UGGT2: variants seen among roughly 807,000 people sequenced by gnomAD.
The protein encoded by UGGT2 is UDP-glucose:glycoprotein glucosyltransferase 2.
UGGT2 carries 180 observed loss-of-function variants against 192.1 expected under a neutral mutation model. That is an observed-to-expected ratio of 0.94 (90% confidence interval 0.83 to 1.06). The LOEUF (loss-of-function observed/expected upper bound fraction) is 1.06, where lower values mean the gene tolerates loss of function less well. Among genes scored for constraint, UGGT2 ranks in the 50% least tolerant of loss-of-function variants. The pLI is 0.00. For synonymous variants in UGGT2, 580 were observed against 591.0 expected (o/e 0.98, Z 0.27); for missense variants, 1,849 against 1,795.7 (o/e 1.03, Z -0.54).
chr13:95,817,467 C>G (rs1208113306), intron 38 of UGGT2, among the ~76,000 whole-genome samples: 1 of 151,980 alleles, frequency 6.6e-6, no homozygotes, highest in African/African-American at 2.4e-5. Context: ...GCCTGTGGTC[C>G]CAGATACTTG....
chr13:95,868,209 G>A lies in UGGT2; in HGVS notation c.3474-786C>T, dbSNP rs564187830. Among the ~76,000 whole-genome samples, 4 of 152,284 alleles carry A rather than the reference G, an allele frequency of 2.6e-5. No homozygotes were observed. In the East Asian group the frequency reaches 7.7e-4, roughly 29 times the overall value. On this transcript the variant is annotated intron_variant, in intron 29 of 38. Transcript: ENST00000376747. Reference sequence around the variant, plus strand: ...TGGGGAGTCTAGCACTATCATGACTGACACGTCTTTGACTTTCTCTTACTC... The same window carrying A: ...TGGGGAGTCTAGCACTATCATGACTAACACGTCTTTGACTTTCTCTTACTC...
chr13:95,974,967 A>C (rs2050890983), intron 10 of UGGT2, among the ~76,000 whole-genome samples: 1 of 152,034 alleles, frequency 6.6e-6, no homozygotes, highest in South Asian at 2.1e-4. Context: ...CTGTAGTCCC[A>C]GTACTCGGGA....
intron 29 of UGGT2, among the ~76,000 whole-genome samples, chr13:95,868,582 C>T (rs7994626): frequency 0.3 from 45,714 of 151,822 alleles, 7,425 homozygotes; most frequent in Admixed American, 0.37. Context: ...TCCGTCTGGG[C>T]AAGAGAGACC....
Position 95,807,716 on chromosome 13 carries a change from CTTTTT to C in UGGT2, c.4529-5909_4529-5905del. Among the ~76,000 whole-genome samples the C allele has an allele frequency of 1.0e-4, 8 of 78,710 alleles. 1 individual carries two copies. Among genetic ancestry groups the C allele is most frequent in the African/African-American group, 2.1e-4 (4 of 19,376 alleles). 51.6% of individuals were successfully genotyped at this position (78,710 alleles called of 152,430 possible). ...GTATCTTGAAACCCTCAGCCCTCAC[CTTTTT>C]TTTTTTTTTTTTTTGCCGTATTCAC... On this transcript the variant is annotated intron_variant, in intron 38 of 38. Transcript: ENST00000376747.
At chr13:95,872,850 T>C (rs1467827625) in intron 29 of UGGT2, among the ~76,000 whole-genome samples, 2 of 152,210 alleles carry the variant, frequency 1.3e-5, no homozygotes, top group African/African-American at 4.8e-5. Context: ...ACATAATACA[T>C]GTGCTATTGT....
intron 12 of UGGT2, among the ~76,000 whole-genome samples, chr13:95,959,118 C>G (rs2050307163): frequency 6.6e-6 from 1 of 152,218 alleles, no homozygotes; most frequent in Non-Finnish European, 1.5e-5. Context: ...ATCTCCATAT[C>G]TCTGGGGTCC....
In UGGT2 at chr13:95,966,451, T is replaced by C. The variant is rs147832689; in HGVS notation, c.1335+3661A>G. 5.2e-3 allele frequency among the ~76,000 whole-genome samples: 799 copies of C among 152,298 alleles called. 11 individuals carry two copies. The highest frequency in any genetic ancestry group is 0.018 in the African/African-American group (765 of 41,558). ...GTCAATAGGTACAAACAGTTATCTA[T>C]ACAGTTAGATAGAAGGTATAAATTC... On this transcript the variant is annotated intron_variant, in intron 12 of 38. Transcript: ENST00000376747.
chr13:96,044,891 T>C (rs1053408252), intron 1 of UGGT2, among the ~76,000 whole-genome samples: 3 of 152,058 alleles, frequency 2.0e-5, no homozygotes, highest in African/African-American at 7.2e-5. Flanking sequence ...GGACCAGACA[T>C]ATTCACAGCC....
At chr13:96,053,031 C>G (rs1238750982) in intron 1 of UGGT2, 124 bp downstream of exon 1, 1 of 1,307,836 alleles carries the variant, frequency 7.6e-7, no homozygotes, top group Non-Finnish European at 9.9e-7. Context: ...ATGCTCAGGG[C>G]CAGAGCGGGG....
At chr13:95,931,711 G>A (rs1347995980) in intron 17 of UGGT2, among the ~76,000 whole-genome samples, 4 of 152,094 alleles carry the variant, frequency 2.6e-5, no homozygotes, top group Non-Finnish European at 4.4e-5. Context: ...TGCCCGGGCC[G>A]GCAGCGCCCG....
At chr13:95,842,863 T>C (rs147970804) in intron 36 of UGGT2, among the ~76,000 whole-genome samples, 42 of 152,208 alleles carry the variant, frequency 2.8e-4, no homozygotes, top group African/African-American at 9.2e-4. Flanking sequence ...GTCTTTTGAT[T>C]AGACGGCAGT....
chr13:96,036,119 C>T (rs1212599836), intron 1 of UGGT2, among the ~76,000 whole-genome samples: 2 of 152,110 alleles, frequency 1.3e-5, no homozygotes, highest in African/African-American at 2.4e-5. Flanking sequence ...TCCACTGCAG[C>T]GCTATTTACA....
intron 1 of UGGT2, among the ~76,000 whole-genome samples, chr13:96,033,143 G>A (rs1285881581): frequency 1.3e-5 from 2 of 152,174 alleles, no homozygotes; most frequent in Admixed American, 6.5e-5. Context: ...AGATCAGAGA[G>A]GACACAAATG....
chr13:95,966,069 C>T (rs1158025390), intron 12 of UGGT2, among the ~76,000 whole-genome samples: 1 of 152,176 alleles, frequency 6.6e-6, no homozygotes, highest in Admixed American at 6.5e-5. Flanking sequence ...AAGAAACCAA[C>T]ATCTCAAAGA....
Position 95,930,514 on chromosome 13 carries a change from G to A in UGGT2, c.1978-3178C>T, listed in dbSNP as rs560972784. On this transcript the variant is annotated intron_variant, in intron 17 of 38. Coordinates refer to ENST00000376747, the MANE Select transcript of UGGT2 (RefSeq NM_020121.4). Reference sequence around the variant, plus strand: ...CTATCCTAGGACCATTTATTGAATCGAGGACCCTTTTCCCACTAATTTTCA... The same window carrying A: ...CTATCCTAGGACCATTTATTGAATCAAGGACCCTTTTCCCACTAATTTTCA... Among the ~76,000 whole-genome samples, 34 of 152,200 alleles carry A rather than the reference G, an allele frequency of 2.2e-4. 2 individuals carry two copies. Among genetic ancestry groups the A allele is most frequent in the Middle Eastern group, 6.8e-3 (2 of 294 alleles).
At chr13:95,991,557 C>T in intron 7 of UGGT2, 1 of 325,054 alleles carries the variant, frequency 3.1e-6, no homozygotes, top group Admixed American at 3.3e-5. Flanking sequence ...AGTACAGTGT[C>T]AATATCTTAC....
chr13:96,049,688 G>A (rs2053427840), intron 1 of UGGT2, among the ~76,000 whole-genome samples: 1 of 152,088 alleles, frequency 6.6e-6, no homozygotes, highest in East Asian at 1.9e-4. Flanking sequence ...GCCAATAACA[G>A]ACAAACAGAG....
At chr13:95,845,790 G>A (rs562110090) in intron 36 of UGGT2, among the ~76,000 whole-genome samples, 15 of 148,418 alleles carry the variant, frequency 1.0e-4, no homozygotes, top group South Asian at 2.2e-4. Flanking sequence ...GGTCGCGGCC[G>A]GGCAGAGGCG....
intron 13 of UGGT2, 21 bp downstream of exon 13, chr13:95,949,314 T>A (rs767617994): frequency 2.1e-5 from 31 of 1,493,646 alleles, no homozygotes; most frequent in Non-Finnish European, 2.5e-5. Context: ...TATATATGTA[T>A]AATCAAAATA....
Sources: gnomAD v4.1 joint callset for allele counts (sites outside exome capture counted in the v4.1 genomes callset) on GRCh38, gnomAD v4.1.1 for gene constraint, MANE v1.5 for transcripts, NCBI Gene and HGNC (gene_info 2026-07-23, HGNC 2026-07-21) for gene names.